Variants in EDN1 observed in about 807,000 individuals in gnomAD.
EDN1 encodes endothelin-1.
In EDN1, 11 loss-of-function variants were observed where a neutral mutation model predicts 21.7. The observed-to-expected ratio is 0.51, with a 90% CI of 0.32 to 0.84. The LOEUF is 0.84. Ranked by LOEUF, EDN1 falls within the 40% of genes least tolerant of loss-of-function variation. The probability of loss-of-function intolerance (pLI) is 0.03; values close to 1 mark genes in which losing one functional copy is unlikely to be tolerated. For synonymous variants in EDN1, 85 were observed against 90.6 expected, an observed-to-expected ratio of 0.94 and a Z score of 0.35; for missense variants, 244 against 262.3, an observed-to-expected ratio of 0.93 and a Z score of 0.48.
At chr6:12,283,416 T>A in the EDN1 span, among the ~76,000 whole-genome samples, 1 of 151,780 alleles carries the variant, frequency 6.6e-6, no homozygotes, top group Non-Finnish European at 1.5e-5. Flanking sequence ...TGTAGGGAAT[T>A]TTTTTTTTCT....
At chr6:12,284,156 C>T in the EDN1 span, among the ~76,000 whole-genome samples, 25,402 of 152,040 alleles carry the variant, frequency 0.17, 2,271 homozygotes, top group South Asian at 0.32. Flanking sequence ...AGTGGTGGCT[C>T]GATAAACACG....
chr6:12,263,813 T>TA, the EDN1 span, among the ~76,000 whole-genome samples: 3 of 151,978 alleles, frequency 2.0e-5, no homozygotes, highest in Admixed American at 6.6e-5. Flanking sequence ...GGTTCCTTGT[T>TA]AAAAAAAAGA....
chr6:12,293,905 A>C, intron 2 of EDN1, 36 bp from the exon 3 acceptor site: 2 of 1,608,022 alleles, frequency 1.2e-6, no homozygotes, highest in African/African-American at 1.3e-5. Flanking sequence ...ACTATTAATT[A>C]CACTAATATA....
the EDN1 span, among the ~76,000 whole-genome samples, chr6:12,238,582 C>T: frequency 2.0e-5 from 3 of 152,222 alleles, no homozygotes; most frequent in African/African-American, 4.8e-5. Flanking sequence ...CCAATCCAAC[C>T]CTTAGACTGC....
the EDN1 span, among the ~76,000 whole-genome samples, chr6:12,241,166 C>CTTTTTTTTTTTTTT: frequency 7.2e-6 from 1 of 138,358 alleles, no homozygotes; most frequent in Non-Finnish European, 1.5e-5. Flanking sequence ...TTCTTTCTTT[C>CTTTTTTTTTTTTTT]TTTTTTTTTT....
chr6:12,238,916 G>A, the EDN1 span, among the ~76,000 whole-genome samples: 3 of 152,184 alleles, frequency 2.0e-5, no homozygotes, highest in Non-Finnish European at 4.4e-5. Flanking sequence ...CAGCACTGAC[G>A]CCAATTGTTT....
At chr6:12,240,245 G>A in the EDN1 span, among the ~76,000 whole-genome samples, 26 of 152,166 alleles carry the variant, frequency 1.7e-4, no homozygotes, top group Non-Finnish European at 2.6e-4. Flanking sequence ...TAAGAAAGGC[G>A]CGCACTTGGG....
chr6:12,294,270 C>T lies in EDN1; in HGVS notation c.399C>T (p.Asp133=), dbSNP rs1454267541. The change falls in exon 4 of 5, where the codon GAC becomes GAT. Residue 133 remains aspartate (D), a synonymous_variant. Coordinates refer to ENST00000379375, the MANE Select transcript of EDN1 (RefSeq NM_001955.5). The stretch of plus-strand genomic sequence containing the variant: ...TTGTGTATTTTAACAGGGCTGAAGA[C>T]ATTATGGAGAAAGACTGGAATAATC... ...CQAGKELRAE[D]IMEKDWNNHK... is the part of the protein sequence containing the mutation. The T allele has an allele frequency of 4.3e-6, 7 of 1,613,938 alleles. No homozygotes were observed. Among genetic ancestry groups the T allele is most frequent in the Non-Finnish European group, 5.1e-6 (6 of 1,180,026 alleles).
the EDN1 span, among the ~76,000 whole-genome samples, chr6:12,232,866 T>C: frequency 1.3e-5 from 2 of 152,202 alleles, no homozygotes; most frequent in Admixed American, 6.5e-5. Flanking sequence ...CAAAATGTTC[T>C]TGAAAAGACG....
the EDN1 span, among the ~76,000 whole-genome samples, chr6:12,247,700 G>A: frequency 6.6e-6 from 1 of 151,460 alleles, no homozygotes; most frequent in African/African-American, 2.4e-5. Flanking sequence ...CACCACGCCG[G>A]GCTAATTTTT....
At chr6:12,241,363 G>C in the EDN1 span, among the ~76,000 whole-genome samples, 5 of 151,550 alleles carry the variant, frequency 3.3e-5, no homozygotes, top group East Asian at 9.7e-4. Context: ...CCGGGTTTTG[G>C]TTTCTCCATG....
chr6:12,285,804 A>G (rs1257199285), upstream of EDN1, among the ~76,000 whole-genome samples: 5 of 152,182 alleles, frequency 3.3e-5, no homozygotes, highest in African/African-American at 9.7e-5. Flanking sequence ...TCCTGACCTC[A>G]GGTGATCCAC....
chr6:12,246,938 A>G, the EDN1 span, among the ~76,000 whole-genome samples: 1 of 152,242 alleles, frequency 6.6e-6, no homozygotes, highest in Non-Finnish European at 1.5e-5. Context: ...TATTGAACAT[A>G]TGTACTTACT....
upstream of EDN1, among the ~76,000 whole-genome samples, chr6:12,287,721 C>G (rs1473902605): frequency 1.1e-5 from 1 of 89,690 alleles, no homozygotes; most frequent in Non-Finnish European, 2.2e-5. Context: ...CTCACACACA[C>G]ACACACACAC....
the EDN1 span, among the ~76,000 whole-genome samples, chr6:12,270,418 A>G: frequency 2.0e-5 from 3 of 151,992 alleles, no homozygotes; most frequent in African/African-American, 7.2e-5. Flanking sequence ...GTTAATTGCT[A>G]TATACTTCCC....
At chr6:12,291,369 C>G (rs746192690) in intron 1 of EDN1, among the ~76,000 whole-genome samples, 12 of 152,108 alleles carry the variant, frequency 7.9e-5, no homozygotes, top group Non-Finnish European at 1.5e-4. Context: ...TTCACCTGTG[C>G]TGGGAGGGGA....
the EDN1 span, among the ~76,000 whole-genome samples, chr6:12,230,809 C>T: frequency 6.6e-6 from 1 of 152,100 alleles, no homozygotes; most frequent in South Asian, 2.1e-4. Context: ...AAATACGGAA[C>T]TTCTGAATAA....
chr6:12,253,663 A>G, the EDN1 span, among the ~76,000 whole-genome samples: 6 of 152,246 alleles, frequency 3.9e-5, no homozygotes, highest in East Asian at 1.9e-4. Context: ...CAAAGGGAAC[A>G]GCATTAAATA....
At chr6:12,241,176 T>C in the EDN1 span, among the ~76,000 whole-genome samples, 27 of 151,036 alleles carry the variant, frequency 1.8e-4, no homozygotes, top group Middle Eastern at 6.8e-3. Context: ...CTTTTTTTTT[T>C]TTTTATTGAG....
Sources: gnomAD v4.1 joint callset for allele counts (sites outside exome capture counted in the v4.1 genomes callset) on GRCh38, gnomAD v4.1.1 for gene constraint, MANE v1.5 for transcripts, NCBI Gene and HGNC (gene_info 2026-07-23, HGNC 2026-07-21) for gene names.